The following ALMS1 variants were observed in gnomAD, a reference collection of about 807,000 sequenced individuals.
ALMS1 encodes ALMS1 centrosome and basal body associated protein.
In ALMS1, 271 loss-of-function variants were observed where a neutral mutation model predicts 352.2. The ratio of observed to expected loss-of-function variants is 0.77; its 90% CI spans 0.70 to 0.85. The LOEUF is 0.85. Among genes scored for constraint, ALMS1 ranks in the 40% least tolerant of loss-of-function variants. The pLI is 0.00. For missense variants in ALMS1, 5,445 were observed against 4,870.7 expected (o/e 1.12, Z -3.51); for synonymous variants, 1,865 against 1,761.2 (o/e 1.06, Z -1.48).
At chr2:73,430,210 T>G (rs984552795) in intron 6 of ALMS1, among the ~76,000 whole-genome samples, 1 of 151,748 alleles carries the variant, frequency 6.6e-6, no homozygotes, top group Non-Finnish European at 1.5e-5. Context: ...CTGAGTAGCT[T>G]GGACTACAGG....
At chr2:73,466,951 T>G (rs1365665845) in intron 9 of ALMS1, among the ~76,000 whole-genome samples, 1 of 152,190 alleles carries the variant, frequency 6.6e-6, no homozygotes, top group African/African-American at 2.4e-5. Context: ...GATAACTATA[T>G]GTGTTATAAT....
At chr2:73,568,087 A>G (rs1674838973) in intron 15 of ALMS1, among the ~76,000 whole-genome samples, 1 of 152,204 alleles carries the variant, frequency 6.6e-6, no homozygotes, top group Non-Finnish European at 1.5e-5. Flanking sequence ...AGTAAAAGAA[A>G]TGCAAATGGC....
Position 73,451,341 on chromosome 2 carries a change from A to G in ALMS1, c.4814A>G (p.Glu1605Gly). Residue 1605 changes from glutamate to glycine, a missense_variant, in exon 8 of 23, where the codon GAA becomes GGA. Coordinates refer to ENST00000613296, the MANE Select transcript of ALMS1 (RefSeq NM_001378454.1). ...GTTTCCATTGTTTCTGGACCTACTGAAAAAAAGACTGACATACCAGCAGGA... is the reference window on the plus strand; with the variant it reads ...GTTTCCATTGTTTCTGGACCTACTGGAAAAAAGACTGACATACCAGCAGGA... ...LKVSIVSGPT[E>G]KKTDIPAGPL... is the part of the protein sequence containing the mutation. The G allele has an allele frequency of 6.2e-7, 1 of 1,613,964 alleles. No homozygotes were observed. The highest frequency in any genetic ancestry group is 8.5e-7 in the Non-Finnish European group (1 of 1,179,944).
chr2:73,464,381 G>A (rs1672279733), intron 9 of ALMS1, among the ~76,000 whole-genome samples: 1 of 152,184 alleles, frequency 6.6e-6, no homozygotes, highest in Non-Finnish European at 1.5e-5. Flanking sequence ...AAAGGCCTTT[G>A]ACAAAATTCA....
chr2:73,592,170 T>C (rs962701151), intron 16 of ALMS1, among the ~76,000 whole-genome samples: 1 of 152,258 alleles, frequency 6.6e-6, no homozygotes, highest in African/African-American at 2.4e-5. Context: ...GAACCTGTTA[T>C]GCAGGCACAG....
intron 10 of ALMS1, among the ~76,000 whole-genome samples, chr2:73,510,426 G>A (rs1288572305): frequency 3.3e-5 from 5 of 152,134 alleles, no homozygotes; most frequent in African/African-American, 4.8e-5. Flanking sequence ...TGATGTTGAT[G>A]CTTTTGCTTT....
chr2:73,395,074 ATATATTT>A (rs1355672801), intron 1 of ALMS1, among the ~76,000 whole-genome samples: 2 of 101,266 alleles, frequency 2.0e-5, no homozygotes, highest in Admixed American at 9.9e-5. Flanking sequence ...ATATATATAT[ATATATTT>A]TTTTTTTTTT....
chr2:73,481,431 T>C (rs1046714954), intron 9 of ALMS1, among the ~76,000 whole-genome samples: 7 of 152,328 alleles, frequency 4.6e-5, no homozygotes, highest in Admixed American at 3.9e-4. Flanking sequence ...GTTCCATTGA[T>C]CTATATCTCT....
chr2:73,389,652 A>C lies in ALMS1; in HGVS notation c.324+3460A>C, dbSNP rs546593190. Among the ~76,000 whole-genome samples, 3 of 152,260 alleles carry C rather than the reference A, an allele frequency of 2.0e-5. No individual in the cohort carries two copies. The South Asian group carries it at 6.2e-4, about 32-fold the overall frequency. On this transcript the variant is annotated intron_variant, in intron 1 of 22. Transcript: ENST00000613296. ...AAGCTAACCCTCTTTTACTACAGCCAATGTGAGAAAATTATTTTCCTGTTT... is the reference window on the plus strand; with the variant it reads ...AAGCTAACCCTCTTTTACTACAGCCCATGTGAGAAAATTATTTTCCTGTTT...
At chr2:73,428,899 T>TA (rs1193899386) in intron 6 of ALMS1, among the ~76,000 whole-genome samples, 3 of 152,218 alleles carry the variant, frequency 2.0e-5, no homozygotes. Flanking sequence ...CATTCATAGT[T>TA]ACTTGGTTCA....
intron 1 of ALMS1, among the ~76,000 whole-genome samples, chr2:73,397,719 C>T (rs1670791842): frequency 6.6e-6 from 1 of 152,232 alleles, no homozygotes; most frequent in East Asian, 1.9e-4. Context: ...CCACCTGCCT[C>T]GGCCTCCCAG....
intron 9 of ALMS1, chr2:73,471,163 G>C (rs1425725391): frequency 6.7e-6 from 1 of 149,440 alleles, no homozygotes; most frequent in Non-Finnish European, 1.5e-5. Flanking sequence ...TAGTTGTTTT[G>C]TCCCTTTTGT....
chr2:73,426,873 A>G (rs138369197), intron 6 of ALMS1, among the ~76,000 whole-genome samples: 1 of 152,308 alleles, frequency 6.6e-6, no homozygotes, highest in African/African-American at 2.4e-5. Flanking sequence ...AAATTTCCAA[A>G]TTTTATTTGA....
rs1400230315 is a variant in ALMS1 at position 73,450,181 on chromosome 2, T to A, written c.3654T>A (p.Val1218=). ...ACATACCTGAAGAGGCACAGAAAGT[T>A]TCACCTGTTCTTGGACCAGCTGACC... The part of the protein sequence containing the change: ...GSHIPEEAQK[V]SPVLGPADQK... Residue 1218 remains valine, a synonymous_variant, in exon 8 of 23, where the codon GTT becomes GTA. Transcript: ENST00000613296. 18 of 1,614,024 alleles carry A rather than the reference T, an allele frequency of 1.1e-5. No homozygotes were observed. The highest frequency in any genetic ancestry group is 1.4e-5 in the Non-Finnish European group (17 of 1,179,970).
rs1572939990 is a variant in ALMS1 at position 73,455,344 on chromosome 2, G to C, written c.7674+49G>C. 9 of 1,607,140 alleles carry C rather than the reference G, an allele frequency of 5.6e-6. No homozygotes were observed. The African/African-American group carries it at 8.0e-5, about 14-fold the overall frequency. ...AGAAAGTAAATATGAAAGAATGGGT[G>C]ATGGAATTAGGATCTCTTACTTGGG... is the stretch of plus-strand genomic sequence containing the variant. On this transcript the variant is annotated intron_variant, in intron 9 of 22. Transcript: ENST00000613296.
Position 73,491,158 on chromosome 2 carries a change from A to G in ALMS1, c.9199A>G (p.Arg3067Gly), listed in dbSNP as rs1672977171. Residue 3067 changes from arginine (R) to glycine (G), a missense_variant, in exon 10 of 23, where the codon AGA becomes GGA. Coordinates refer to ENST00000613296, the MANE Select transcript of ALMS1 (RefSeq NM_001378454.1). Reference protein sequence around the residue: ...SKLDSGTLDERFHSLDAASKA... With the variant: ...SKLDSGTLDEGFHSLDAASKA... ...GTTGGATAGTGGAACTTTAGATGAA[A>G]GATTCCATTCATTGGATGCTGCTTC... The G allele has an allele frequency of 6.2e-7, 1 of 1,614,182 alleles. No homozygotes were observed. The highest frequency in any genetic ancestry group is 8.5e-7 in the Non-Finnish European group (1 of 1,180,008).
chr2:73,423,491 T>C (rs1329085933), intron 4 of ALMS1, among the ~76,000 whole-genome samples: 1 of 152,162 alleles, frequency 6.6e-6, no homozygotes, highest in African/African-American at 2.4e-5. Flanking sequence ...TTCATGTCCT[T>C]TAGAATAGTC....
At position 73,447,993 on chromosome 2, in the gene ALMS1, C is replaced by G; in HGVS notation, c.1466C>G (p.Thr489Ser). Residue 489 changes from threonine to serine, a missense_variant, in exon 8 of 23, where the codon ACT becomes AGT. Coordinates refer to ENST00000613296, the MANE Select transcript of ALMS1 (RefSeq NM_001378454.1). Reference sequence around the variant, plus strand: ...TCTAAAGGAGGCATAGCTAAAGTTACTCAATCCAACTTGAAGTCAGGCATC... The same window carrying G: ...TCTAAAGGAGGCATAGCTAAAGTTAGTCAATCCAACTTGAAGTCAGGCATC... ...DTSKGGIAKV[T>S]QSNLKSGITT... 1 of 1,613,396 alleles carries G rather than the reference C, an allele frequency of 6.2e-7. No homozygotes were observed. Among genetic ancestry groups the G allele is most frequent in the African/African-American group, 1.3e-5 (1 of 74,986 alleles).
intron 16 of ALMS1, among the ~76,000 whole-genome samples, chr2:73,588,055 G>A (rs1392135280): frequency 6.6e-6 from 1 of 152,090 alleles, no homozygotes; most frequent in African/African-American, 2.4e-5. Context: ...AAAAGTCCAG[G>A]ACCAGATGGA....
Sources: gnomAD v4.1 joint callset for allele counts (sites outside exome capture counted in the v4.1 genomes callset) on GRCh38, gnomAD v4.1.1 for gene constraint, MANE v1.5 for transcripts, NCBI Gene and HGNC (gene_info 2026-07-23, HGNC 2026-07-21) for gene names.